Variants in ATP8A2 observed in about 807,000 individuals in gnomAD.
ATP8A2 encodes phospholipid-transporting ATPase IB.
A neutral mutation model predicts 165.6 loss-of-function variants in ATP8A2; 100 were observed. The ratio of observed to expected loss-of-function variants is 0.60; its 90% CI spans 0.51 to 0.71. ATP8A2 has a LOEUF of 0.71. Among genes scored for constraint, ATP8A2 ranks in the 30% least tolerant of loss-of-function variants. The pLI, the probability that ATP8A2 is intolerant of heterozygous loss-of-function variation, is 0.00. For synonymous variants in ATP8A2, 543 were observed against 548.8 expected, an observed-to-expected ratio of 0.99 and a Z score of 0.15; for missense variants, 1,227 against 1,479.5, an observed-to-expected ratio of 0.83 and a Z score of 2.80.
At position 25,769,163 on chromosome 13, in the gene ATP8A2, G is replaced by T. The variant is rs1301545743; in HGVS notation, c.2502G>T (p.Val834=). 1 of 1,614,088 alleles carries T rather than the reference G, an allele frequency of 6.2e-7. No individual in the cohort carries two copies. The highest frequency in any genetic ancestry group is 1.7e-5 in the Admixed American group (1 of 60,036). ...TCGGGATGATCCAGACAGCCCACGT[G>T]GGTGTGGGAATCAGTGGGAATGAAG... is the stretch of plus-strand genomic sequence containing the variant. The part of the protein sequence containing the change: ...NDVGMIQTAH[V]GVGISGNEGM... The change falls in exon 26 of 37, where the codon GTG becomes GTT. Residue 834 remains valine (V), a synonymous_variant. Transcript: ENST00000381655.
chr13:25,669,202 T>C (rs1202785567), intron 24 of ATP8A2, among the ~76,000 whole-genome samples: 1 of 152,202 alleles, frequency 6.6e-6, no homozygotes, highest in Non-Finnish European at 1.5e-5. Context: ...TCTATTATTG[T>C]TGACTCTTGA....
At chr13:25,416,607 T>A (rs1490205780) in intron 1 of ATP8A2, among the ~76,000 whole-genome samples, 2 of 152,152 alleles carry the variant, frequency 1.3e-5, no homozygotes, top group African/African-American at 4.8e-5. Flanking sequence ...CATATTTATC[T>A]CCTTTACACA....
At chr13:25,865,118 A>C (rs983238421) in intron 33 of ATP8A2, among the ~76,000 whole-genome samples, 2 of 152,188 alleles carry the variant, frequency 1.3e-5, no homozygotes, top group Non-Finnish European at 1.5e-5. Flanking sequence ...ATATGCTGTC[A>C]TAAAAAAGAG....
chr13:25,488,475 T>G (rs1297650413), intron 2 of ATP8A2, among the ~76,000 whole-genome samples: 1 of 152,220 alleles, frequency 6.6e-6, no homozygotes, highest in African/African-American at 2.4e-5. Flanking sequence ...GCATGGTGGC[T>G]CATGCCTGTA....
At chr13:25,687,820 C>G (rs1290836507) in intron 24 of ATP8A2, among the ~76,000 whole-genome samples, 1 of 152,222 alleles carries the variant, frequency 6.6e-6, no homozygotes, top group Non-Finnish European at 1.5e-5. Context: ...AGAGGTTAGG[C>G]TCCCAGCATT....
intron 1 of ATP8A2, among the ~76,000 whole-genome samples, chr13:25,418,831 C>T (rs1393420425): frequency 6.6e-6 from 1 of 152,106 alleles, no homozygotes; most frequent in East Asian, 1.9e-4. Context: ...ATTTTCCTTG[C>T]CTTGATTATA....
At chr13:25,816,818 C>G (rs1356163039) in intron 27 of ATP8A2, among the ~76,000 whole-genome samples, 1 of 152,206 alleles carries the variant, frequency 6.6e-6, no homozygotes. Flanking sequence ...CAAGTTCACA[C>G]CTTGCCCAGG....
intron 1 of ATP8A2, among the ~76,000 whole-genome samples, chr13:25,391,360 A>G (rs1387525612): frequency 6.6e-6 from 1 of 152,150 alleles, no homozygotes; most frequent in African/African-American, 2.4e-5. Flanking sequence ...TCCATCCATC[A>G]TTGATCCACC....
intron 25 of ATP8A2, among the ~76,000 whole-genome samples, chr13:25,719,024 C>T (rs1037925689): frequency 2.0e-5 from 3 of 152,176 alleles, no homozygotes; most frequent in African/African-American, 7.2e-5. Context: ...TTCTGCACCT[C>T]TAAATTAGAC....
intron 2 of ATP8A2, chr13:25,517,100 T>TA (rs371015644): frequency 2.0e-5 from 3 of 150,432 alleles, no homozygotes; most frequent in Non-Finnish European, 3.0e-5. Flanking sequence ...TTTTTTTTTT[T>TA]AATATAAAGC....
At position 25,852,700 on chromosome 13, in the gene ATP8A2, G is replaced by A. The variant is rs189885755; in HGVS notation, c.2957-7495G>A. Among the ~76,000 whole-genome samples, 212 of 152,138 alleles carry A rather than the reference G, an allele frequency of 1.4e-3. 2 individuals carry two copies. Among genetic ancestry groups the A allele is most frequent in the African/African-American group, 5.0e-3 (206 of 41,480 alleles). On this transcript the variant is annotated intron_variant, in intron 30 of 36. Coordinates refer to ENST00000381655, the MANE Select transcript of ATP8A2 (RefSeq NM_016529.6). ...TACAAAATTTACAGTTTCTTGGCCG[G>A]GTGCAGTGGTGTGTGCCTGTAATCC... is the stretch of plus-strand genomic sequence containing the variant.
At chr13:25,577,961 G>C (rs982025231) in intron 20 of ATP8A2, among the ~76,000 whole-genome samples, 2 of 152,142 alleles carry the variant, frequency 1.3e-5, no homozygotes, top group Non-Finnish European at 2.9e-5. Context: ...ATTATATTTG[G>C]ACTCGCTAAA....
intron 2 of ATP8A2, among the ~76,000 whole-genome samples, chr13:25,500,456 C>T (rs1174554272): frequency 6.6e-6 from 1 of 152,154 alleles, no homozygotes; most frequent in African/African-American, 2.4e-5. Flanking sequence ...TGTTACAGTG[C>T]AGACAGGGAT....
At chr13:25,469,187 C>A in intron 2 of ATP8A2, 66 bp downstream of exon 2, 1 of 1,566,498 alleles carries the variant, frequency 6.4e-7, no homozygotes, top group South Asian at 1.2e-5. Context: ...GCTCGTCCTC[C>A]TGCGCGGGGC....
At chr13:25,786,980 G>A (rs1038322732) in intron 27 of ATP8A2, among the ~76,000 whole-genome samples, 2 of 152,110 alleles carry the variant, frequency 1.3e-5, no homozygotes, top group South Asian at 4.1e-4. Flanking sequence ...ACGGGGTTTT[G>A]CCATTTTGGC....
At chr13:25,755,475 C>T (rs759203290) in intron 25 of ATP8A2, among the ~76,000 whole-genome samples, 2 of 152,140 alleles carry the variant, frequency 1.3e-5, no homozygotes, top group Non-Finnish European at 1.5e-5. Flanking sequence ...CAAAGCATTC[C>T]GTTGAATGTA....
At chr13:25,730,442 C>G (rs1004401898) in intron 25 of ATP8A2, among the ~76,000 whole-genome samples, 1 of 152,148 alleles carries the variant, frequency 6.6e-6, no homozygotes, top group Non-Finnish European at 1.5e-5. Flanking sequence ...TTCTATTACA[C>G]TGGTCCTGCT....
At chr13:25,381,441 T>C (rs1415238662) in intron 1 of ATP8A2, among the ~76,000 whole-genome samples, 1 of 152,150 alleles carries the variant, frequency 6.6e-6, no homozygotes, top group Non-Finnish European at 1.5e-5. Context: ...TACCATTAGG[T>C]TGTGAGTGGC....
chr13:25,701,395 T>C (rs1386967835), intron 25 of ATP8A2, among the ~76,000 whole-genome samples: 1 of 152,184 alleles, frequency 6.6e-6, no homozygotes. Flanking sequence ...GTAAAGCTGC[T>C]GAGTAGGTGG....
Sources: gnomAD v4.1 joint callset for allele counts (sites outside exome capture counted in the v4.1 genomes callset) on GRCh38, gnomAD v4.1.1 for gene constraint, MANE v1.5 for transcripts, NCBI Gene and HGNC (gene_info 2026-07-23, HGNC 2026-07-21) for gene names.